RALYL: variants seen among roughly 807,000 people sequenced by gnomAD.
RALYL encodes the protein RALY RNA binding protein like.
Under a neutral mutation model 35.1 loss-of-function variants are expected in RALYL, and 29 were observed. The observed-to-expected ratio is 0.83, with a 90% CI of 0.61 to 1.13. The LOEUF (loss-of-function observed/expected upper bound fraction) is 1.13, where lower values mean the gene tolerates loss of function less well. Among genes scored for constraint, RALYL ranks in the 50% most tolerant of loss-of-function variants. RALYL has a pLI of 0.00. For missense variants in RALYL, 359 were observed against 360.4 expected, an observed-to-expected ratio of 1.00 and a Z score of 0.03; for synonymous variants, 120 against 127.6, an observed-to-expected ratio of 0.94 and a Z score of 0.40.
intron 1 of RALYL, among the ~76,000 whole-genome samples, chr8:84,466,101 G>T (rs1587527027): frequency 1.0e-5 from 1 of 99,352 alleles, no homozygotes; most frequent in Middle Eastern, 5.7e-3. Flanking sequence ...GGGACAATTT[G>T]ACTTCCTCTT....
At chr8:84,388,474 T>C (rs184313456) in intron 1 of RALYL, among the ~76,000 whole-genome samples, 4,311 of 152,096 alleles carry the variant, frequency 0.028, 194 homozygotes, top group African/African-American at 0.098. Flanking sequence ...TAAAAGTGTT[T>C]CTATTTCTCC....
chr8:84,482,069 G>T (rs2054103504), intron 1 of RALYL, among the ~76,000 whole-genome samples: 1 of 152,066 alleles, frequency 6.6e-6, no homozygotes, highest in Non-Finnish European at 1.5e-5. Flanking sequence ...CCAAAGCTGT[G>T]AAAGGAAAAT....
chr8:84,855,348 T>G (rs1836750547), intron 5 of RALYL, among the ~76,000 whole-genome samples: 1 of 152,250 alleles, frequency 6.6e-6, no homozygotes, highest in Non-Finnish European at 1.5e-5. Context: ...ATACTCTTTC[T>G]GCCAGGTTTG....
intron 1 of RALYL, among the ~76,000 whole-genome samples, chr8:84,309,518 G>A (rs1299521074): frequency 6.6e-6 from 1 of 151,948 alleles, no homozygotes; most frequent in African/African-American, 2.4e-5. Flanking sequence ...AAACATTGTA[G>A]TAATTATAGA....
At chr8:84,780,649 GA>G (rs1235260407) in intron 3 of RALYL, among the ~76,000 whole-genome samples, 4 of 152,262 alleles carry the variant, frequency 2.6e-5, no homozygotes, top group African/African-American at 9.6e-5. Context: ...AAAATAACCT[GA>G]GCATTATCAG....
At chr8:84,525,820 T>G (rs1315439150) in intron 1 of RALYL, among the ~76,000 whole-genome samples, 2 of 152,136 alleles carry the variant, frequency 1.3e-5, no homozygotes, top group East Asian at 3.8e-4. Context: ...TTGATTCATT[T>G]TTTAACATCT....
chr8:84,360,289 A>G (rs1311621730), intron 1 of RALYL, among the ~76,000 whole-genome samples: 1 of 152,346 alleles, frequency 6.6e-6, no homozygotes, highest in African/African-American at 2.4e-5. Context: ...TTTGTCAACC[A>G]TCAAGAAATA....
intron 1 of RALYL, among the ~76,000 whole-genome samples, chr8:84,438,796 C>A (rs1399026413): frequency 6.6e-6 from 1 of 152,138 alleles, no homozygotes; most frequent in Non-Finnish European, 1.5e-5. Flanking sequence ...CATTCTTCTG[C>A]ATATAGCTAG....
At chr8:84,817,116 T>C (rs1037057170) in intron 4 of RALYL, among the ~76,000 whole-genome samples, 2 of 152,158 alleles carry the variant, frequency 1.3e-5, no homozygotes, top group African/African-American at 4.8e-5. Context: ...GTAAATACTT[T>C]CAGGGCAACA....
intron 1 of RALYL, among the ~76,000 whole-genome samples, chr8:84,272,300 G>T (rs909664555): frequency 7.9e-5 from 12 of 151,958 alleles, no homozygotes; most frequent in Admixed American, 3.3e-4. Context: ...CATCATGTTG[G>T]CCAGGCTGGT....
At chr8:84,662,074 A>C (rs1399553925) in intron 2 of RALYL, among the ~76,000 whole-genome samples, 1 of 152,106 alleles carries the variant, frequency 6.6e-6, no homozygotes, top group Non-Finnish European at 1.5e-5. Context: ...AAAAAGTTTG[A>C]AAGCTATTCA....
At chr8:84,453,240 C>A (rs10504803) in intron 1 of RALYL, among the ~76,000 whole-genome samples, 52,866 of 151,534 alleles carry the variant, frequency 0.35, 9,541 homozygotes, top group South Asian at 0.52. Context: ...ATAATTAGAG[C>A]TCTTGGCTAT....
chr8:84,235,861 G>C (rs543918976), intron 1 of RALYL, among the ~76,000 whole-genome samples: 98 of 147,638 alleles, frequency 6.6e-4, no homozygotes, highest in African/African-American at 2.3e-3. Context: ...CCAACTCCCT[G>C]GTTCAAGCGA....
chr8:84,882,294 C>T (rs934291366), intron 7 of RALYL, among the ~76,000 whole-genome samples: 1 of 151,912 alleles, frequency 6.6e-6, no homozygotes, highest in Non-Finnish European at 1.5e-5. Flanking sequence ...CAAAAGATGC[C>T]AGTGTTCGAA....
At chr8:84,328,970 G>T (rs1846329470) in intron 1 of RALYL, among the ~76,000 whole-genome samples, 1 of 152,202 alleles carries the variant, frequency 6.6e-6, no homozygotes. Context: ...GTATTCCACG[G>T]TGTATGTGTA....
At chr8:84,248,481 A>G (rs967349619) in intron 1 of RALYL, among the ~76,000 whole-genome samples, 4 of 152,086 alleles carry the variant, frequency 2.6e-5, no homozygotes, top group African/African-American at 7.2e-5. Context: ...GATTGTTCTA[A>G]TATTGTTTCC....
intron 1 of RALYL, among the ~76,000 whole-genome samples, chr8:84,501,672 A>C (rs2056674692): frequency 6.6e-6 from 1 of 151,876 alleles, no homozygotes; most frequent in African/African-American, 2.4e-5. Flanking sequence ...GTCTATATTT[A>C]AATCTATATT....
intron 1 of RALYL, among the ~76,000 whole-genome samples, chr8:84,282,692 T>TAAAAAG (rs10639136): frequency 0.66 from 99,709 of 151,298 alleles, 33,499 homozygotes; most frequent in African/African-American, 0.78. Flanking sequence ...AAGCAAGAAT[T>TAAAAAG]AAAACGTGTG....
intron 1 of RALYL, among the ~76,000 whole-genome samples, chr8:84,451,962 G>T (rs967587129): frequency 2.0e-5 from 3 of 151,802 alleles, no homozygotes; most frequent in Non-Finnish European, 4.4e-5. Context: ...TGTTCTAAAG[G>T]GCAGCCCTGA....
Sources: allele counts gnomAD v4.1 joint callset (sites outside exome capture counted in the v4.1 genomes callset), GRCh38; gene constraint gnomAD v4.1.1; transcripts MANE v1.5; gene names NCBI Gene and HGNC (gene_info 2026-07-23, HGNC 2026-07-21).